STK3: variants seen among roughly 807,000 people sequenced by gnomAD.
The protein encoded by STK3 is serine/threonine-protein kinase 3.
STK3 carries 41 observed loss-of-function variants against 58.0 expected under a neutral mutation model. The ratio of observed to expected loss-of-function variants is 0.71; its 90% CI spans 0.55 to 0.92. The LOEUF (loss-of-function observed/expected upper bound fraction) is 0.92, where lower values mean the gene tolerates loss of function less well. Ranked by LOEUF, STK3 falls within the 40% of genes least tolerant of loss-of-function variation. STK3 has a pLI of 0.00. For synonymous variants in STK3, 170 were observed against 191.0 expected, an observed-to-expected ratio of 0.89 and a Z score of 0.91; for missense variants, 479 against 602.7, an observed-to-expected ratio of 0.79 and a Z score of 2.15.
intron 6 of STK3, among the ~76,000 whole-genome samples, chr8:98,641,533 A>G (rs528470300): frequency 3.9e-5 from 6 of 152,350 alleles, no homozygotes; most frequent in Non-Finnish European, 8.8e-5. Context: ...TGCTTAACAT[A>G]TATTAGTGAA....
At chr8:98,461,090 A>G (rs114058641) in intron 10 of STK3, among the ~76,000 whole-genome samples, 230 of 152,270 alleles carry the variant, frequency 1.5e-3, no homozygotes, top group African/African-American at 5.4e-3. Context: ...TGGAGTGGTG[A>G]AGTCCCCCAC....
intron 4 of STK3, among the ~76,000 whole-genome samples, chr8:98,714,338 T>C (rs1169290292): frequency 6.6e-6 from 1 of 152,188 alleles, no homozygotes; most frequent in Non-Finnish European, 1.5e-5. Context: ...GGAAGTCAAA[T>C]TGCCCCTGTC....
intron 10 of STK3, among the ~76,000 whole-genome samples, chr8:98,480,651 T>C (rs1012674003): frequency 6.6e-6 from 1 of 152,094 alleles, no homozygotes. Context: ...TGACAATATC[T>C]CTCTATAACA....
rs62532726 is a variant in STK3, at chr8:98,383,442, A to C, written n.57-4235T>G. Among the ~76,000 whole-genome samples the C allele has an allele frequency of 6.3e-3, 962 of 152,286 alleles. 4 individuals carry two copies. The highest frequency in any genetic ancestry group is 0.017 in the Middle Eastern group (5 of 294). On this transcript the variant is annotated intron_variant and non_coding_transcript_variant, in intron 1 of 2. Coordinates refer to the STK3 transcript ENST00000518704. The stretch of plus-strand genomic sequence containing the variant: ...GGATCTATTATAGAATAGCAGGTGC[A>C]TGTCTGTCTGAGGGAGCAGCTGCTC...
intron 6 of STK3, among the ~76,000 whole-genome samples, chr8:98,638,738 C>T (rs1300800110): frequency 6.6e-6 from 1 of 152,068 alleles, no homozygotes; most frequent in African/African-American, 2.4e-5. Context: ...GACAGCAACA[C>T]CAGCAAAGAG....
intron 3 of STK3, among the ~76,000 whole-genome samples, chr8:98,403,589 A>G (rs573905235): frequency 1.3e-5 from 2 of 152,116 alleles, no homozygotes; most frequent in South Asian, 4.2e-4. Context: ...TGATCCACCA[A>G]TTCCCACCAG....
At chr8:98,373,554 A>C (rs1009738651) in intron 2 of STK3, among the ~76,000 whole-genome samples, 2 of 152,196 alleles carry the variant, frequency 1.3e-5, no homozygotes, top group African/African-American at 4.8e-5. Flanking sequence ...TTTTTAGATT[A>C]AAAACTGAGG....
chr8:98,588,553 T>C (rs1423243980), intron 7 of STK3, among the ~76,000 whole-genome samples: 3 of 152,126 alleles, frequency 2.0e-5, no homozygotes, highest in South Asian at 2.1e-4. Context: ...ATTTCAACTT[T>C]GGTGAATCTG....
intron 1 of STK3, chr8:98,778,995 C>T (rs1200159590): frequency 6.6e-6 from 1 of 151,866 alleles, no homozygotes; most frequent in Non-Finnish European, 1.5e-5. Context: ...CAAACCTGCA[C>T]ATTGTGCACA....
chr8:98,501,779 C>T (rs1823619859), intron 10 of STK3, among the ~76,000 whole-genome samples: 2 of 152,168 alleles, frequency 1.3e-5, no homozygotes, highest in South Asian at 4.1e-4. Flanking sequence ...TGTTTTGGTA[C>T]TGGTACCATG....
chr8:98,387,703 T>C (rs1663551803), intron 1 of STK3, among the ~76,000 whole-genome samples: 1 of 152,128 alleles, frequency 6.6e-6, no homozygotes, highest in African/African-American at 2.4e-5. Flanking sequence ...ATTGTGCCAT[T>C]GCACTCCAGC....
intron 1 of STK3, among the ~76,000 whole-genome samples, chr8:98,936,371 A>G (rs1840197295): frequency 6.6e-6 from 1 of 152,116 alleles, no homozygotes; most frequent in Non-Finnish European, 1.5e-5. Context: ...ATAATTGCCT[A>G]TTTACTTGTA....
chr8:98,844,963 A>C (rs1836146407), intron 3 of STK3, among the ~76,000 whole-genome samples: 1 of 152,234 alleles, frequency 6.6e-6, no homozygotes, highest in Non-Finnish European at 1.5e-5. Flanking sequence ...TTCACGTGAC[A>C]AAAACTGACA....
chr8:98,449,800 T>A (rs1010242160), downstream of STK3, among the ~76,000 whole-genome samples: 1 of 152,236 alleles, frequency 6.6e-6, no homozygotes, highest in Non-Finnish European at 1.5e-5. Context: ...CTCTTGATAC[T>A]GCGTTAGTTC....
At chr8:98,434,162 T>A (rs1818403468) in exon 3 of STK3, 1 of 152,312 alleles carries the variant, frequency 6.6e-6, no homozygotes, top group Admixed American at 6.5e-5. Flanking sequence ...TGGCCTCGTC[T>A]GTGTATGCAG....
intron 6 of STK3, among the ~76,000 whole-genome samples, chr8:98,614,150 C>G (rs946231447): frequency 1.3e-5 from 2 of 152,100 alleles, no homozygotes; most frequent in Non-Finnish European, 2.9e-5. Flanking sequence ...AGAAAATCAG[C>G]AAGGATACAG....
intron 1 of STK3, among the ~76,000 whole-genome samples, chr8:98,792,792 G>T (rs1832889320): frequency 6.6e-6 from 1 of 152,106 alleles, no homozygotes; most frequent in Non-Finnish European, 1.5e-5. Flanking sequence ...GTCATTATAA[G>T]AAAAAGACAC....
chr8:98,743,082 G>C (rs1370003104), intron 4 of STK3, among the ~76,000 whole-genome samples: 2 of 151,892 alleles, frequency 1.3e-5, no homozygotes, highest in Non-Finnish European at 2.9e-5. Flanking sequence ...AATAAAAGAG[G>C]ATACAAAGAA....
intron 1 of STK3, among the ~76,000 whole-genome samples, chr8:98,780,659 G>A (rs1402558649): frequency 3.3e-5 from 5 of 151,134 alleles, no homozygotes; most frequent in African/African-American, 1.2e-4. Flanking sequence ...AGAAACACAG[G>A]GGAAAAAAAA....
Sources: gnomAD v4.1 joint callset for allele counts (sites outside exome capture counted in the v4.1 genomes callset) on GRCh38, gnomAD v4.1.1 for gene constraint, MANE v1.5 for transcripts, NCBI Gene and HGNC (gene_info 2026-07-23, HGNC 2026-07-21) for gene names.